The following ABL2 variants were observed in gnomAD, a reference collection of about 807,000 sequenced individuals.
ABL2 encodes the protein tyrosine-protein kinase ABL2.
A neutral mutation model predicts 107.7 loss-of-function variants in ABL2; 49 were observed. The observed-to-expected ratio is 0.45, with a 90% confidence interval of 0.36 to 0.58. The LOEUF (loss-of-function observed/expected upper bound fraction) is 0.58. Among genes scored for constraint, ABL2 ranks in the 20% least tolerant of loss-of-function variants. The pLI, the probability that ABL2 is intolerant of heterozygous loss-of-function variation, is 0.00. For missense variants in ABL2, 1,245 were observed against 1,457.0 expected, an observed-to-expected ratio of 0.85 and a Z score of 2.37; for synonymous variants, 549 against 548.6, an observed-to-expected ratio of 1.00 and a Z score of -0.01.
chr1:179,194,707 A>G (rs1481469656), intron 1 of ABL2, among the ~76,000 whole-genome samples: 1 of 152,136 alleles, frequency 6.6e-6, no homozygotes, highest in Admixed American at 6.6e-5. Flanking sequence ...GATTTCTGAC[A>G]CTCAGAATAA....
intron 1 of ABL2, among the ~76,000 whole-genome samples, chr1:179,174,502 C>T (rs955204159): frequency 4.7e-5 from 7 of 150,098 alleles, no homozygotes; most frequent in African/African-American, 7.3e-5. Flanking sequence ...CCCAGCTACT[C>T]GGGAGGCTAA....
intron 1 of ABL2, among the ~76,000 whole-genome samples, chr1:179,218,300 T>C (rs1057036709): frequency 1.3e-5 from 2 of 152,356 alleles, no homozygotes; most frequent in South Asian, 4.1e-4. Flanking sequence ...TGGACACTAA[T>C]AGGCTAGGAA....
intron 1 of ABL2, among the ~76,000 whole-genome samples, chr1:179,226,347 T>G (rs936543452): frequency 7.1e-6 from 1 of 141,056 alleles, no homozygotes; most frequent in African/African-American, 2.6e-5. Context: ...AGAGTCTCGC[T>G]CTGTCACCCA....
intron 1 of ABL2, among the ~76,000 whole-genome samples, chr1:179,184,754 G>C (rs1052756253): frequency 6.6e-6 from 1 of 152,170 alleles, no homozygotes; most frequent in Non-Finnish European, 1.5e-5. Context: ...CTGGGAGTAA[G>C]TTGCAGTCTT....
chr1:179,137,927 A>T (rs1657192677), intron 1 of ABL2: 2 of 152,204 alleles, frequency 1.3e-5, no homozygotes, highest in South Asian at 4.1e-4. Context: ...TTTAAGAAGG[A>T]TGATTGATTA....
rs764952222 is a variant in ABL2 at position 179,110,283 on chromosome 1, T to G, written c.1824A>C (p.Pro608=). 25 of 1,614,108 alleles carry G rather than the reference T, an allele frequency of 1.5e-5. No homozygotes were observed. ...ATENSASSLA[P]GFIRGAQASS... ...TTCTACCTGCTAAGGGACCCATACC[T>G]GGTGCTAAACTGGAAGCAGAATTTT... Residue 608 remains proline (P), a splice_region_variant and synonymous_variant, in exon 11 of 12, where the codon CCA becomes CCC. Coordinates refer to ENST00000502732, the MANE Select transcript of ABL2 (RefSeq NM_007314.4).
At chr1:179,213,142 TTTTA>T (rs894773365) in intron 1 of ABL2, among the ~76,000 whole-genome samples, 18 of 151,894 alleles carry the variant, frequency 1.2e-4, no homozygotes, top group African/African-American at 4.4e-4. Context: ...AAAAATTAAT[TTTTA>T]TATATATGTC....
At chr1:179,196,448 A>G (rs1213210853) in intron 1 of ABL2, 1 of 152,192 alleles carries the variant, frequency 6.6e-6, no homozygotes, top group East Asian at 1.9e-4. Flanking sequence ...TATGAGAAAA[A>G]TCCCTTTAAG....
At chr1:179,220,650 A>C (rs1662820274) in intron 1 of ABL2, among the ~76,000 whole-genome samples, 1 of 152,232 alleles carries the variant, frequency 6.6e-6, no homozygotes, top group Admixed American at 6.5e-5. Flanking sequence ...CTCTGCTGAA[A>C]TTCTACAGGT....
intron 4 of ABL2, among the ~76,000 whole-genome samples, chr1:179,124,034 G>A (rs910732697): frequency 2.0e-5 from 3 of 152,056 alleles, no homozygotes; most frequent in African/African-American, 7.2e-5. Flanking sequence ...GAGGTCAGGA[G>A]ATCGAGACCA....
At chr1:179,164,053 T>C (rs1186504428) in intron 1 of ABL2, among the ~76,000 whole-genome samples, 3 of 152,118 alleles carry the variant, frequency 2.0e-5, no homozygotes, top group African/African-American at 7.2e-5. Context: ...AGGGGGGGAA[T>C]ATGTGACTAC....
At position 179,102,194 on chromosome 1, in the gene ABL2, G is replaced by A; in HGVS notation, c.*5524C>T. ...GCCCAGCTAAGTTTTTGTATTTTTA[G>A]TAGAGGTGGGGTTTCACCGTGTTAG... On this transcript the variant is annotated 3_prime_UTR_variant, in exon 12 of 12. Transcript: ENST00000502732. 5.9e-6 allele frequency: 1 copy of A among 169,158 alleles called. No individual in the cohort carries two copies. The highest frequency in any genetic ancestry group is 2.4e-3 in the Middle Eastern group (1 of 422). 10.5% of individuals were successfully genotyped at this position (169,158 alleles called of 1,614,324 possible).
chr1:179,184,562 G>A (rs2636293), intron 1 of ABL2: 247,408 of 556,944 alleles, frequency 0.44, 56,305 homozygotes, highest in Admixed American at 0.53. Flanking sequence ...GATGAAGAAG[G>A]AGGAGAAGAT....
At chr1:179,229,188 A>AGCCTGAGGGGC in intron 1 of ABL2, 53 bp downstream of exon 1, 1 of 125,704 alleles carries the variant, frequency 8.0e-6, no homozygotes, top group Non-Finnish European at 1.2e-5. Context: ...CCCCGCCCCG[A>AGCCTGAGGGGC]CCCCACCCCC....
At chr1:179,154,769 T>C (rs548282903) in intron 1 of ABL2, among the ~76,000 whole-genome samples, 2 of 152,334 alleles carry the variant, frequency 1.3e-5, no homozygotes, top group Non-Finnish European at 2.9e-5. Context: ...CTTCTCATTA[T>C]TTATTAGATT....
rs542034905 is a variant in ABL2, at chr1:179,114,968, G to A, written c.1471C>T (p.Leu491=). The change falls in exon 9 of 12, where the codon CTG becomes TTG. Residue 491 remains leucine (L), a synonymous_variant. Transcript: ENST00000502732. ...TCTAGTAGGTCATAGACCTGAGACA[G>A]GTCAATACCTGGATATGGTGACATT... ...YGMSPYPGID[L]SQVYDLLEKG... The A allele has an allele frequency of 1.2e-6, 2 of 1,610,940 alleles. No individual in the cohort carries two copies. Among genetic ancestry groups the A allele is most frequent in the South Asian group, 2.2e-5 (2 of 90,166 alleles).
Position 179,117,532 on chromosome 1 carries a change from C to T in ABL2, c.1224-16G>A, listed in dbSNP as rs372101680. 1.3e-5 allele frequency: 21 copies of T among 1,612,680 alleles called. No homozygotes were observed. The highest frequency in any genetic ancestry group is 1.8e-5 in the Non-Finnish European group (21 of 1,179,412). ...TGCAAGATCTCTGTGGGAAAGAGAACCCTAATGTGATTCCATTCAGATGGT... is the reference window on the plus strand; with the variant it reads ...TGCAAGATCTCTGTGGGAAAGAGAATCCTAATGTGATTCCATTCAGATGGT... On this transcript the variant is annotated splice_polypyrimidine_tract_variant and intron_variant, in intron 7 of 11. Coordinates refer to ENST00000502732, the MANE Select transcript of ABL2 (RefSeq NM_007314.4).
chr1:179,109,076 C>T lies in ABL2; in HGVS notation c.2191G>A (p.Asp731Asn), dbSNP rs755705358. 26 of 1,609,134 alleles carry T rather than the reference C, an allele frequency of 1.6e-5. No individual in the cohort carries two copies. In the South Asian group the frequency reaches 2.0e-4, roughly 12 times the overall value. Reference protein sequence around the residue: ...SFAQRNLCNDDGGGGGGSGTA... With the variant: ...SFAQRNLCNDNGGGGGGSGTA... ...CCACTGCCCCCACCCCCACCACCGT[C>T]GTCATTACAGAGGTTCCTCTGTGCA... Residue 731 changes from aspartate to asparagine, a missense_variant, in exon 12 of 12, where the codon GAC (aspartate) becomes AAC (asparagine). Transcript: ENST00000502732.
At chr1:179,144,483 T>G (rs1657859326) in intron 1 of ABL2, among the ~76,000 whole-genome samples, 1 of 152,022 alleles carries the variant, frequency 6.6e-6, no homozygotes, top group Non-Finnish European at 1.5e-5. Flanking sequence ...AAAAGAGTGT[T>G]TGTTTAACTG....
Sources: allele counts gnomAD v4.1 joint callset (sites outside exome capture counted in the v4.1 genomes callset), GRCh38; gene constraint gnomAD v4.1.1; transcripts MANE v1.5; gene names NCBI Gene and HGNC (gene_info 2026-07-23, HGNC 2026-07-21).